Variants in DIDO1 observed in about 807,000 individuals in gnomAD.
DIDO1 encodes death inducer-obliterator 1.
In DIDO1, 16 loss-of-function variants were observed where a neutral mutation model predicts 99.4. The ratio of observed to expected loss-of-function variants is 0.16; its 90% CI spans 0.11 to 0.24. DIDO1 has a LOEUF of 0.24. Among genes scored for constraint, DIDO1 ranks in the 10% least tolerant of loss-of-function variants. DIDO1 has a pLI of 1.00. For missense variants in DIDO1, 2,996 were observed against 3,014.0 expected (o/e 0.99, Z 0.14); for synonymous variants, 1,366 against 1,239.1 (o/e 1.10, Z -2.15).
intron 4 of DIDO1, among the ~76,000 whole-genome samples, chr20:62,907,754 G>A (rs185165968): frequency 1.1e-3 from 160 of 152,294 alleles, no homozygotes; most frequent in Admixed American, 1.7e-3. Context: ...AAATGGGTCC[G>A]GCTAAATCAG....
chr20:62,901,750 A>T (rs1402759173), intron 6 of DIDO1, among the ~76,000 whole-genome samples: 1 of 151,262 alleles, frequency 6.6e-6, no homozygotes, highest in Non-Finnish European at 1.5e-5. Context: ...TCTTGTCAAT[A>T]TTCTAAGTTA....
chr20:62,906,231 G>A (rs958304927), intron 5 of DIDO1, 131 bp from the exon 6 acceptor site: 15 of 1,210,688 alleles, frequency 1.2e-5, no homozygotes, highest in East Asian at 4.8e-5. Context: ...CCCATCCTGC[G>A]CCTGCTTGGC....
At chr20:62,909,026 C>T (rs1290895052) in intron 4 of DIDO1, among the ~76,000 whole-genome samples, 2 of 152,372 alleles carry the variant, frequency 1.3e-5, no homozygotes, top group African/African-American at 2.4e-5. Context: ...CCCAGGTGCA[C>T]GGCCCAGCCT....
At chr20:62,927,282 T>C (rs2065272964), upstream of DIDO1, among the ~76,000 whole-genome samples, 1 of 152,202 alleles carries the variant, frequency 6.6e-6, no homozygotes, top group Non-Finnish European at 1.5e-5. Context: ...ATGGACATGT[T>C]TGCCCACAGG....
chr20:62,911,912 G>A lies in DIDO1; in HGVS notation c.-2-298C>T, dbSNP rs1277382962. On this transcript the variant is annotated intron_variant, in intron 2 of 15. Transcript: ENST00000395343. This position sits in a 1 kb window ranked among gnomAD's most constrained non-coding sequence, Gnocchi z 7.0. Reference sequence around the variant, plus strand: ...AAGGCTTCACAAGCCAGACAGTAGGGACAAATAGGAAATATTGGACAGTAT... The same window carrying A: ...AAGGCTTCACAAGCCAGACAGTAGGAACAAATAGGAAATATTGGACAGTAT... Among the ~76,000 whole-genome samples the A allele has an allele frequency of 6.6e-6, 1 of 152,230 alleles. No individual in the cohort carries two copies. The highest frequency in any genetic ancestry group is 2.4e-5 in the African/African-American group (1 of 41,452).
At chr20:62,900,485 G>A (rs1600962746) in intron 6 of DIDO1, among the ~76,000 whole-genome samples, 2 of 152,198 alleles carry the variant, frequency 1.3e-5, no homozygotes. Flanking sequence ...CCCCACTGGA[G>A]GATGGTGCTA....
intron 1 of DIDO1, among the ~76,000 whole-genome samples, chr20:62,937,643 G>A (rs2065406190): frequency 6.6e-6 from 1 of 152,204 alleles, no homozygotes; most frequent in African/African-American, 2.4e-5. Flanking sequence ...CGGGTCAGCC[G>A]TCTCTCCCTG....
Position 62,879,707 on chromosome 20 carries a change from G to A in DIDO1, c.6249C>T (p.Phe2083=), listed in dbSNP as rs745728107. The part of the protein sequence containing the change: ...GKGHEYRNQT[F]EGRQRERFDV... Reference sequence around the variant, plus strand: ...CAAACCGCTCTCTCTGCCTCCCTTCGAAAGTCTGGTTTCTGTATTCGTGGC... The same window carrying A: ...CAAACCGCTCTCTCTGCCTCCCTTCAAAAGTCTGGTTTCTGTATTCGTGGC... Residue 2083 remains phenylalanine (F), a synonymous_variant, in exon 16 of 16, where the codon TTC becomes TTT. Transcript: ENST00000395343. This position sits in a 1 kb window ranked among gnomAD's most constrained non-coding sequence, Gnocchi z 6.3. 28 of 1,611,190 alleles carry A rather than the reference G, an allele frequency of 1.7e-5. No homozygotes were observed. Among genetic ancestry groups the A allele is most frequent in the Non-Finnish European group, 2.3e-5 (27 of 1,179,808 alleles).
intron 12 of DIDO1, 71 bp downstream of exon 12, chr20:62,893,595 A>T: frequency 1.4e-6 from 2 of 1,468,062 alleles, no homozygotes; most frequent in Admixed American, 4.6e-5. Flanking sequence ...CTATTTAATC[A>T]CCAGTTATCT....
In DIDO1 at chr20:62,879,819, G is replaced by A. The variant is rs754387707; in HGVS notation, c.6137C>T (p.Pro2046Leu). 5 of 1,609,124 alleles carry A rather than the reference G, an allele frequency of 3.1e-6. No individual in the cohort carries two copies. The African/African-American group carries it at 6.7e-5, about 22-fold the overall frequency. Reference sequence around the variant, plus strand: ...CGCACTGGAGGAGAGCGCGGAGGGCGGCCCGGCCTCCTCCCAGCGGTCCTT... The same window carrying A: ...CGCACTGGAGGAGAGCGCGGAGGGCAGCCCGGCCTCCTCCCAGCGGTCCTT... Reference protein sequence around the residue: ...HRKDRWEEAGPPSALSSSAPG... With the variant: ...HRKDRWEEAGLPSALSSSAPG... Residue 2046 changes from proline (P) to leucine (L), a missense_variant, in exon 16 of 16, where the codon CCG (proline) becomes CTG (leucine). Physicochemically the swap from Pro to Leu is moderately conservative, Grantham distance 98. Around this residue, in one of 5 missense-constraint regions of DIDO1, gnomAD observed 1,562 missense variants for 1,412.6 expected, o/e 1.11. Coordinates refer to ENST00000395343, the MANE Select transcript of DIDO1 (RefSeq NM_001193369.2). This position sits in a 1 kb window ranked among gnomAD's most constrained non-coding sequence, Gnocchi z 6.3.
chr20:62,888,150 T>C (rs1199472287), intron 15 of DIDO1: 2 of 985,330 alleles, frequency 2.0e-6, no homozygotes, highest in African/African-American at 1.7e-5. Context: ...CTTGCTTAAG[T>C]GTGAACAGCA....
chr20:62,888,653 T>TAC (rs1007758061), intron 15 of DIDO1: 87 of 983,912 alleles, frequency 8.8e-5, no homozygotes, highest in East Asian at 1.1e-4. Flanking sequence ...GACCTAGCCT[T>TAC]ACACACACAC....
At chr20:62,907,991 T>G (rs989195296) in intron 4 of DIDO1, among the ~76,000 whole-genome samples, 2 of 152,150 alleles carry the variant, frequency 1.3e-5, no homozygotes, top group Non-Finnish European at 2.9e-5. Context: ...TACTTTTTTT[T>G]TTGTTTGAGA....
chr20:62,930,367 CAGAG>C (rs2065320845), upstream of DIDO1, among the ~76,000 whole-genome samples: 1 of 152,180 alleles, frequency 6.6e-6, no homozygotes, highest in Non-Finnish European at 1.5e-5. Flanking sequence ...ACAACCAACA[CAGAG>C]GGAGAGCATG....
At chr20:62,902,053 AT>A (rs1257496209) in intron 6 of DIDO1, among the ~76,000 whole-genome samples, 1 of 151,994 alleles carries the variant, frequency 6.6e-6, no homozygotes, top group Non-Finnish European at 1.5e-5. Context: ...AGGGGGACCG[AT>A]CCTGCTGGAA....
chr20:62,926,049 C>T (rs1467767064), intron 1 of DIDO1, among the ~76,000 whole-genome samples: 1 of 152,144 alleles, frequency 6.6e-6, no homozygotes, highest in Non-Finnish European at 1.5e-5. Context: ...TACAAGCCAG[C>T]TACGCAGCCC....
intron 15 of DIDO1, chr20:62,890,253 C>G: frequency 1.0e-6 from 1 of 985,982 alleles, no homozygotes; most frequent in Non-Finnish European, 1.2e-6. Flanking sequence ...AGTTGGGCAT[C>G]AGATACTAAC....
intron 6 of DIDO1, among the ~76,000 whole-genome samples, chr20:62,900,884 G>A (rs1179608615): frequency 1.3e-5 from 2 of 152,214 alleles, no homozygotes; most frequent in Admixed American, 1.3e-4. Flanking sequence ...AGTCAGTGAA[G>A]GAACTGTGGA....
intron 1 of DIDO1, among the ~76,000 whole-genome samples, chr20:62,922,677 G>A (rs1079075): frequency 0.23 from 35,010 of 152,146 alleles, 4,308 homozygotes; most frequent in East Asian, 0.34. Context: ...AATCATCTGC[G>A]GCAAGTGTGC....
Sources: gnomAD v4.1 joint callset for allele counts (sites outside exome capture counted in the v4.1 genomes callset) on GRCh38, gnomAD v4.1.1 for gene constraint, gnomAD v4.1.1 regional missense constraint, Gnocchi (gnomAD v3.1) non-coding constraint, MANE v1.5 for transcripts, NCBI Gene and HGNC (gene_info 2026-07-23, HGNC 2026-07-21) for gene names.